MTHFSD: variants seen among roughly 807,000 people sequenced by gnomAD.
MTHFSD encodes methenyltetrahydrofolate synthase domain-containing protein.
In MTHFSD, 37 loss-of-function variants were observed where a neutral mutation model predicts 31.1. That is an observed-to-expected ratio of 1.19 (90% CI 0.91 to 1.56). MTHFSD has a LOEUF of 1.56. Ranked by LOEUF, MTHFSD falls within the 40% of genes most tolerant of loss-of-function variation. The probability of loss-of-function intolerance (pLI) is 0.00; values close to 1 mark genes in which losing one functional copy is unlikely to be tolerated. For synonymous variants in MTHFSD, 221 were observed against 206.9 expected (o/e 1.07, Z -0.59); for missense variants, 664 against 510.1 (o/e 1.30, Z -2.91).
At chr16:86,546,519 A>G in intron 5 of MTHFSD, 40 bp downstream of exon 5, 2 of 1,572,238 alleles carry the variant, frequency 1.3e-6, no homozygotes, top group Non-Finnish European at 1.8e-6. Context: ...GCCTTCAGGC[A>G]GAGCTGTCAC....
rs147104210 is a variant in MTHFSD, at chr16:86,545,204, G to A, written c.442+1355C>T. ...CCTGCACATCCTACACATGTATCCC[G>A]GAACTTAAAAAAAAAAGATATCTGT... On this transcript the variant is annotated intron_variant, in intron 5 of 7. Coordinates refer to ENST00000360900, the MANE Select transcript of MTHFSD (RefSeq NM_001159377.2). Among the ~76,000 whole-genome samples, 929 of 151,862 alleles carry A rather than the reference G, an allele frequency of 6.1e-3. 3 individuals are homozygous for A. The highest frequency in any genetic ancestry group is 0.021 in the South Asian group (103 of 4,808).
intron 5 of MTHFSD, among the ~76,000 whole-genome samples, chr16:86,543,547 C>T (rs914449624): frequency 3.9e-5 from 6 of 152,198 alleles, no homozygotes; most frequent in Non-Finnish European, 8.8e-5. Context: ...GGTGCAGTCA[C>T]GTGAGAACAC....
intron 5 of MTHFSD, among the ~76,000 whole-genome samples, chr16:86,546,026 C>A (rs1233586157): frequency 2.0e-5 from 3 of 152,228 alleles, no homozygotes; most frequent in Non-Finnish European, 4.4e-5. Context: ...GCCTTGTGGA[C>A]CGAGAGCAGC....
chr16:86,549,073 T>C (rs1438395900), intron 3 of MTHFSD, among the ~76,000 whole-genome samples: 6 of 152,250 alleles, frequency 3.9e-5, no homozygotes, highest in Non-Finnish European at 8.8e-5. Flanking sequence ...GTAATCATGA[T>C]AATCAATACA....
At chr16:86,550,468 C>T (rs1972978015) in intron 3 of MTHFSD, among the ~76,000 whole-genome samples, 1 of 152,156 alleles carries the variant, frequency 6.6e-6, no homozygotes, top group African/African-American at 2.4e-5. Flanking sequence ...CTGAGAACAC[C>T]CTGAACTTCA....
rs1451834819 is a variant in MTHFSD, at chr16:86,554,876, C to T, written c.17-125G>A. On this transcript the variant is annotated intron_variant, in intron 1 of 7. Transcript: ENST00000360900. ...ACCGGCTTCCGATCCTGTTCCTGAG[C>T]CTCAGTTTCCCCGACCTCAAGGGGC... 6.7e-6 allele frequency: 7 copies of T among 1,049,142 alleles called. No homozygotes were observed. The East Asian group carries it at 1.8e-4, about 28-fold the overall frequency. The allele number at this position is 1,049,142 out of a possible 1,614,324, so 65.0% of individuals were successfully genotyped here.
chr16:86,532,719 C>A lies in MTHFSD; in HGVS notation c.682-238G>T. 3 of 357,730 alleles carry A rather than the reference C, an allele frequency of 8.4e-6. 1 individual carries two copies. The highest frequency in any genetic ancestry group is 1.5e-5 in the Non-Finnish European group (3 of 200,712). The allele number at this position is 357,730 out of a possible 1,614,324, so 22.2% of individuals were successfully genotyped here. ...TAAGGGAAGTCAGCACTCACGGGGG[C>A]TCTGGAGCGTTTGCCACGAGCTGTG... On this transcript the variant is annotated intron_variant, in intron 7 of 7. Coordinates refer to ENST00000360900, the MANE Select transcript of MTHFSD (RefSeq NM_001159377.2).
chr16:86,554,439 C>G (rs908340646), intron 2 of MTHFSD, among the ~76,000 whole-genome samples: 2 of 152,190 alleles, frequency 1.3e-5, no homozygotes, highest in African/African-American at 2.4e-5. Context: ...CCACCCTGCA[C>G]AGAGACGCAA....
At chr16:86,555,137 C>T in intron 1 of MTHFSD, 32 bp downstream of exon 1, 1 of 1,533,200 alleles carries the variant, frequency 6.5e-7, no homozygotes, top group Non-Finnish European at 8.7e-7. Flanking sequence ...TCCCCATTCC[C>T]AGCCGCCCCG....
intron 7 of MTHFSD, chr16:86,540,725 T>G: frequency 1.0e-6 from 1 of 990,168 alleles, no homozygotes; most frequent in Non-Finnish European, 1.2e-6. Context: ...CATCAAGGGA[T>G]ATTTTCATTT....
In MTHFSD at chr16:86,545,039, C is replaced by G. The variant is rs550195445; in HGVS notation, c.442+1520G>C. On this transcript the variant is annotated intron_variant, in intron 5 of 7. Transcript: ENST00000360900. ...TATGGACACAGGGAGGGGAACAACA[C>G]ATACTGGGGCCTGTCAGGGCAGGGG... 1.9e-4 allele frequency among the ~76,000 whole-genome samples: 29 copies of G among 152,322 alleles called. 1 individual carries two copies. The highest frequency in any genetic ancestry group is 7.0e-4 in the African/African-American group (29 of 41,586).
chr16:86,535,243 T>G, intron 7 of MTHFSD: 1 of 985,462 alleles, frequency 1.0e-6, no homozygotes, highest in South Asian at 4.7e-5. Context: ...TGTGTTCCAC[T>G]GCAGGAAAAT....
intron 5 of MTHFSD, among the ~76,000 whole-genome samples, chr16:86,543,456 G>C (rs961968352): frequency 6.6e-6 from 1 of 152,232 alleles, no homozygotes; most frequent in Admixed American, 6.5e-5. Flanking sequence ...AACATGGTCT[G>C]TAAGAGAAAA....
At chr16:86,546,021 G>A (rs66686932) in intron 5 of MTHFSD, among the ~76,000 whole-genome samples, 14,729 of 152,292 alleles carry the variant, frequency 0.097, 863 homozygotes, top group South Asian at 0.23. Context: ...CCCTGGCCTT[G>A]TGGACCGAGA....
rs1343196009 is a variant in MTHFSD at position 86,548,009 on chromosome 16, A to C, written c.351+455T>G. 3.9e-6 allele frequency: 5 copies of C among 1,278,274 alleles called. No homozygotes were observed. The African/African-American group carries it at 7.6e-5, about 19-fold the overall frequency. The allele number at this position is 1,278,274 out of a possible 1,614,324, so 79.2% of individuals were successfully genotyped here. On this transcript the variant is annotated intron_variant, in intron 4 of 7. Coordinates refer to ENST00000360900, the MANE Select transcript of MTHFSD (RefSeq NM_001159377.2). ...TGTGAGGCATTCAAGAAAATCTTAA[A>C]TATGTAATTATCAGCAATTACTCAC...
At chr16:86,537,657 T>C (rs1197166457) in intron 7 of MTHFSD, among the ~76,000 whole-genome samples, 1 of 152,218 alleles carries the variant, frequency 6.6e-6, no homozygotes, top group Non-Finnish European at 1.5e-5. Flanking sequence ...GGATCTGAAA[T>C]TGGGCTTTGC....
In MTHFSD at chr16:86,535,342, G is replaced by A. The variant is rs567627588; in HGVS notation, c.682-2861C>T. 89 of 255,452 alleles carry A rather than the reference G, an allele frequency of 3.5e-4. 1 individual carries two copies. In the East Asian group the frequency reaches 0.023, roughly 65 times the overall value. The allele number at this position is 255,452 out of a possible 1,614,324, so 15.8% of individuals were successfully genotyped here. A position where few individuals can be genotyped will look rare whatever the true frequency, so the allele number is the denominator to read the frequency against. ...CCTCAAGCTCTAATGGCTGTGGGGC[G>A]GCTTTGCCACTCTGCCAGCAGCTGG... On this transcript the variant is annotated intron_variant, in intron 7 of 7. Transcript: ENST00000360900.
rs1969875998 is a variant in MTHFSD at position 86,530,215 on chromosome 16, T to TG, written c.*1795dup. On this transcript the variant is annotated 3_prime_UTR_variant, in exon 8 of 8. Coordinates refer to ENST00000360900, the MANE Select transcript of MTHFSD (RefSeq NM_001159377.2). ...TGTGGGGGATTTTATTTCAGGCACT[T>TG]GCTCTTCAGTTTTTCTTACACGATG... 1.3e-5 allele frequency: 2 copies of TG among 152,386 alleles called. No homozygotes were observed. The highest frequency in any genetic ancestry group is 4.8e-5 in the African/African-American group (2 of 41,588). 9.4% of individuals were successfully genotyped at this position (152,386 alleles called of 1,614,324 possible). A position where few individuals can be genotyped will look rare whatever the true frequency, so the allele number is the denominator to read the frequency against.
intron 7 of MTHFSD, chr16:86,535,406 C>T (rs1970554004): frequency 1.0e-6 from 1 of 985,406 alleles, no homozygotes; most frequent in Non-Finnish European, 1.2e-6. Context: ...ACAAGAAAGC[C>T]TCCTGTGTGC....
Sources: allele counts gnomAD v4.1 joint callset (sites outside exome capture counted in the v4.1 genomes callset), GRCh38; gene constraint gnomAD v4.1.1; transcripts MANE v1.5; gene names NCBI Gene and HGNC (gene_info 2026-07-23, HGNC 2026-07-21).